Variants in SOD2 observed in about 807,000 individuals in gnomAD.
SOD2 encodes the protein superoxide dismutase 2, also known as superoxide dismutase [Mn], mitochondrial.
Under a neutral mutation model 27.0 loss-of-function variants are expected in SOD2, and 11 were observed. The ratio of observed to expected loss-of-function variants is 0.41; its 90% CI spans 0.26 to 0.67. The LOEUF (loss-of-function observed/expected upper bound fraction) is 0.67, where lower values mean the gene tolerates loss of function less well. SOD2 is among the 30% of genes least tolerant of loss of function. The probability of loss-of-function intolerance (pLI) is 0.34; values close to 1 mark genes in which losing one functional copy is unlikely to be tolerated. For synonymous variants in SOD2, 105 were observed against 103.0 expected (o/e 1.02, Z -0.12); for missense variants, 250 against 274.5 (o/e 0.91, Z 0.63).
Position 159,692,823 on chromosome 6 carries a change from A to G in SOD2, c.64T>C (p.Ser22Pro), listed in dbSNP as rs1777290823. 6.2e-7 allele frequency: 1 copy of G among 1,613,532 alleles called. No individual in the cohort carries two copies. The highest frequency in any genetic ancestry group is 2.2e-5 in the East Asian group (1 of 44,862). ...QLAPVLGYLG[S>P]RQKHSLPDLP... is the part of the protein sequence containing the mutation. ...TCGGGGAGGCTGTGCTTCTGCCTGG[A>G]GCCCAGATACCCCAAAACCGGAGCC... is the stretch of plus-strand genomic sequence containing the variant. The change falls in exon 2 of 5, where the codon TCC (serine) becomes CCC (proline). Residue 22 changes from serine (S) to proline (P), a missense_variant. Physicochemically the swap from Ser to Pro is moderately conservative, Grantham distance 74. Transcript: ENST00000538183.
chr6:159,756,796 G>C (rs371849165), intron 1 of SOD2, among the ~76,000 whole-genome samples: 2 of 151,970 alleles, frequency 1.3e-5, no homozygotes, highest in African/African-American at 4.8e-5. Context: ...TAGAGACAAG[G>C]CCTCGCTATG....
At chr6:159,731,140 C>CA (rs892276964), upstream of SOD2, among the ~76,000 whole-genome samples, 29 of 150,072 alleles carry the variant, frequency 1.9e-4, no homozygotes, top group Non-Finnish European at 2.2e-4. Context: ...GACTACGTCT[C>CA]AAAAAAAAGA....
chr6:159,753,677 A>T (rs181373704), intron 1 of SOD2: 1 of 1,529,700 alleles, frequency 6.5e-7, no homozygotes, highest in Non-Finnish European at 8.8e-7. Context: ...TAAAACTGCC[A>T]GTCATGAATA....
chr6:159,752,822 G>A (rs532190913), intron 1 of SOD2, among the ~76,000 whole-genome samples: 31 of 152,258 alleles, frequency 2.0e-4, no homozygotes, highest in Non-Finnish European at 3.4e-4. Flanking sequence ...TGGTCACAGC[G>A]TCAACCACTT....
intron 1 of SOD2, chr6:159,755,450 G>A (rs1354184736): frequency 6.2e-7 from 1 of 1,613,994 alleles, no homozygotes; most frequent in Admixed American, 1.7e-5. Context: ...CTCTCCCACG[G>A]GCAGTGAAAA....
At chr6:159,712,799 T>C (rs1777852994) in intron 1 of SOD2, 1 of 538,160 alleles carries the variant, frequency 1.9e-6, no homozygotes, top group Non-Finnish European at 3.7e-6. Flanking sequence ...ACTGGTTGGG[T>C]AAGCCCATCT....
intron 1 of SOD2, among the ~76,000 whole-genome samples, chr6:159,710,950 ACACT>A (rs1777733805): frequency 8.5e-6 from 1 of 117,800 alleles, no homozygotes; most frequent in Non-Finnish European, 1.9e-5. Context: ...ACCACCACTC[ACACT>A]GCTCTGACCT....
intron 1 of SOD2, among the ~76,000 whole-genome samples, chr6:159,709,105 A>G (rs2114817496): frequency 6.6e-6 from 1 of 152,350 alleles, no homozygotes; most frequent in Admixed American, 6.5e-5. Context: ...CACCTTATAC[A>G]AAAATTAATT....
chr6:159,748,088 TAATG>T (rs2114945558), upstream of SOD2: 2 of 1,382,814 alleles, frequency 1.4e-6, no homozygotes, highest in African/African-American at 1.4e-5. This position sits in a 1 kb window ranked among gnomAD's most constrained non-coding sequence, Gnocchi z 5.6. Context: ...GGGAGGAGCT[TAATG>T]AAAGAGTTGG....
upstream of SOD2, among the ~76,000 whole-genome samples, chr6:159,747,778 T>C (rs1779660351): frequency 6.6e-6 from 1 of 152,202 alleles, no homozygotes; most frequent in South Asian, 2.1e-4. Context: ...AATGTTGATT[T>C]TCGTTTGTTT....
chr6:159,755,749 G>GTTTTTTTTTTTTTTTGTTTTTTTTTTTT (rs1402868444), intron 1 of SOD2: 1 of 300,296 alleles, frequency 3.3e-6, no homozygotes, highest in Admixed American at 1.6e-4. Context: ...TTTTTTCTTT[G>GTTTTTTTTTTTTTTTGTTTTTTTTTTTT]TTTTTTTTTT....
intron 1 of SOD2, among the ~76,000 whole-genome samples, chr6:159,714,708 C>T (rs1777894303): frequency 6.6e-6 from 1 of 152,198 alleles, no homozygotes; most frequent in African/African-American, 2.4e-5. Flanking sequence ...ACATCACAGC[C>T]CACTGGCATT....
At chr6:159,760,122 A>C (rs535076316) in intron 1 of SOD2, 8 of 152,338 alleles carry the variant, frequency 5.3e-5, no homozygotes, top group Admixed American at 5.2e-4. Flanking sequence ...GGAGATTGGA[A>C]GGTTTTTCTG....
rs1052644628 is a variant in SOD2, at chr6:159,671,876, C to T, written c.*10617G>A. ...TTAGACAAATGGCTAACTAGAATAA[C>T]CAGCATAGAGAAGTCCTTAAATGAC... On this transcript the variant is annotated 3_prime_UTR_variant, in exon 5 of 5. Transcript: ENST00000538183. 6.6e-6 allele frequency: 1 copy of T among 152,140 alleles called. No individual in the cohort carries two copies. Among genetic ancestry groups the T allele is most frequent in the Admixed American group, 6.5e-5 (1 of 15,278 alleles). The allele number at this position is 152,140 out of a possible 1,614,324, so 9.4% of individuals were successfully genotyped here.
chr6:159,750,463 G>A (rs1348185963), intron 1 of SOD2, among the ~76,000 whole-genome samples: 2 of 152,180 alleles, frequency 1.3e-5, no homozygotes, highest in African/African-American at 2.4e-5. Flanking sequence ...TGTCACTCCC[G>A]GATGTGACCT....
intron 1 of SOD2, chr6:159,743,551 G>C: frequency 9.8e-7 from 1 of 1,018,640 alleles, no homozygotes. Context: ...AAAGTAGTTA[G>C]GATGGAAACT....
chr6:159,715,792 T>TG (rs769155993), intron 1 of SOD2, among the ~76,000 whole-genome samples: 3 of 151,436 alleles, frequency 2.0e-5, no homozygotes, highest in Non-Finnish European at 4.4e-5. Context: ...CCCAGCTACC[T>TG]GGGGGGCTGA....
chr6:159,755,698 T>TG (rs1779976777), intron 1 of SOD2: 2 of 1,309,888 alleles, frequency 1.5e-6, no homozygotes, highest in Non-Finnish European at 1.9e-6. Flanking sequence ...TGTCACAATT[T>TG]GCCTTTTTGT....
At chr6:159,692,199 T>C (rs1777234337) in intron 2 of SOD2, 1 of 318,144 alleles carries the variant, frequency 3.1e-6, no homozygotes, top group Non-Finnish European at 5.7e-6. Context: ...GCGGACCCGA[T>C]GATGTCTGGC....
Sources: gnomAD v4.1 joint callset for allele counts (sites outside exome capture counted in the v4.1 genomes callset) on GRCh38, gnomAD v4.1.1 for gene constraint, Gnocchi (gnomAD v3.1) non-coding constraint, MANE v1.5 for transcripts, NCBI Gene and HGNC (gene_info 2026-07-23, HGNC 2026-07-21) for gene names.